NXPH1: variants seen among roughly 807,000 people sequenced by gnomAD.
The protein encoded by NXPH1 is neurexophilin 1.
A neutral mutation model predicts 23.7 loss-of-function variants in NXPH1; 5 were observed. The observed-to-expected ratio is 0.21, with a 90% CI of 0.11 to 0.44. NXPH1 has a LOEUF of 0.44. NXPH1 is among the 20% of genes least tolerant of loss of function. The probability of loss-of-function intolerance (pLI) is 0.99; values close to 1 mark genes in which losing one functional copy is unlikely to be tolerated. For synonymous variants in NXPH1, 144 were observed against 122.2 expected (o/e 1.18, Z -1.18); for missense variants, 324 against 321.6 (o/e 1.01, Z -0.06).
rs530687598 is a variant in NXPH1, at chr7:8,482,885, CT to C, written c.54+47120del. On this transcript the variant is annotated intron_variant, in intron 2 of 2. Transcript: ENST00000405863. Reference sequence around the variant, plus strand: ...AAGAATTGTCACTCTAGCTCTATCACTTACCAGTTAACTACAGCTACATTTG... The same window carrying C: ...AAGAATTGTCACTCTAGCTCTATCACTACCAGTTAACTACAGCTACATTTG... Among the ~76,000 whole-genome samples the C allele has an allele frequency of 4.5e-4, 68 of 152,296 alleles. 1 individual carries two copies. Among genetic ancestry groups the C allele is most frequent in the Middle Eastern group, 3.4e-3 (1 of 294 alleles).
At chr7:8,443,956 C>G (rs1008386167) in intron 2 of NXPH1, among the ~76,000 whole-genome samples, 2 of 152,228 alleles carry the variant, frequency 1.3e-5, no homozygotes, top group Non-Finnish European at 2.9e-5. Context: ...GCACACTCCC[C>G]TGGGGGCTGT....
intron 2 of NXPH1, among the ~76,000 whole-genome samples, chr7:8,487,272 A>T (rs552499386): frequency 6.6e-6 from 1 of 152,140 alleles, no homozygotes; most frequent in Non-Finnish European, 1.5e-5. Context: ...CCCTGGTGGG[A>T]GGTAACTAAA....
intron 2 of NXPH1, among the ~76,000 whole-genome samples, chr7:8,609,996 A>G (rs577818438): frequency 2.6e-5 from 4 of 152,164 alleles, no homozygotes; most frequent in Non-Finnish European, 5.9e-5. Context: ...GCTTTTGGAC[A>G]TGGTAAGAGT....
chr7:8,679,415 G>C (rs572986144), intron 2 of NXPH1, among the ~76,000 whole-genome samples: 1 of 152,046 alleles, frequency 6.6e-6, no homozygotes, highest in South Asian at 2.1e-4. Context: ...ACTGTATCCC[G>C]TTTATCTGTG....
chr7:8,707,163 T>C lies in NXPH1; in HGVS notation c.55-43845T>C, dbSNP rs911928635. On this transcript the variant is annotated intron_variant, in intron 2 of 2. Coordinates refer to ENST00000405863, the MANE Select transcript of NXPH1 (RefSeq NM_152745.3). The stretch of plus-strand genomic sequence containing the variant: ...TGACTTCCATCTTTAATTTGCTCTC[T>C]AGCACTTCACACTCACTCCACCCAA... Among the ~76,000 whole-genome samples the C allele has an allele frequency of 3.6e-4, 55 of 152,338 alleles. 1 individual carries two copies. The highest frequency in any genetic ancestry group is 1.3e-3 in the African/African-American group (54 of 41,586).
At chr7:8,588,668 A>T (rs576656329) in intron 2 of NXPH1, among the ~76,000 whole-genome samples, 1 of 152,064 alleles carries the variant, frequency 6.6e-6, no homozygotes, top group African/African-American at 2.4e-5. Context: ...TAGGTGCCCA[A>T]TGGATTTTGA....
At chr7:8,636,716 C>T (rs906092034) in intron 2 of NXPH1, among the ~76,000 whole-genome samples, 1 of 152,206 alleles carries the variant, frequency 6.6e-6, no homozygotes, top group Non-Finnish European at 1.5e-5. Flanking sequence ...ATACGTTACA[C>T]ACGTATTCCA....
At chr7:8,587,806 G>C (rs1458658829) in intron 2 of NXPH1, among the ~76,000 whole-genome samples, 1 of 152,142 alleles carries the variant, frequency 6.6e-6, no homozygotes, top group Non-Finnish European at 1.5e-5. Context: ...CCCTGCAAAG[G>C]ACATGAACTC....
At chr7:8,508,529 TG>T (rs1276161072) in intron 2 of NXPH1, among the ~76,000 whole-genome samples, 1 of 152,130 alleles carries the variant, frequency 6.6e-6, no homozygotes, top group Non-Finnish European at 1.5e-5. Context: ...TAGCTCAGCC[TG>T]GGGAGATAGT....
At chr7:8,602,239 T>G (rs1056958133) in intron 2 of NXPH1, among the ~76,000 whole-genome samples, 5 of 152,234 alleles carry the variant, frequency 3.3e-5, no homozygotes, top group African/African-American at 1.2e-4. Context: ...AAAATAGTTT[T>G]GTAAGTGATC....
chr7:8,730,691 A>G (rs1423648067), intron 2 of NXPH1, among the ~76,000 whole-genome samples: 1 of 151,976 alleles, frequency 6.6e-6, no homozygotes, highest in Non-Finnish European at 1.5e-5. Context: ...TGGCTTGCGG[A>G]GTTTCTGCCG....
At chr7:8,716,694 C>T (rs546612590) in intron 2 of NXPH1, among the ~76,000 whole-genome samples, 1 of 152,058 alleles carries the variant, frequency 6.6e-6, no homozygotes, top group Non-Finnish European at 1.5e-5. Flanking sequence ...GTCTGTGTTT[C>T]TAGGCTGATG....
intron 2 of NXPH1, among the ~76,000 whole-genome samples, chr7:8,473,324 C>G (rs1816905184): frequency 1.3e-5 from 2 of 152,148 alleles, no homozygotes; most frequent in African/African-American, 2.4e-5. Flanking sequence ...TACACCCAGG[C>G]TATGTTATCC....
chr7:8,672,362 C>G (rs1317950362), intron 2 of NXPH1, among the ~76,000 whole-genome samples: 1 of 151,914 alleles, frequency 6.6e-6, no homozygotes, highest in East Asian at 1.9e-4. Flanking sequence ...GGAGATATAC[C>G]TAATGCTAAA....
intron 2 of NXPH1, among the ~76,000 whole-genome samples, chr7:8,545,249 A>C (rs1818181776): frequency 6.6e-6 from 1 of 151,568 alleles, no homozygotes; most frequent in South Asian, 2.1e-4. Flanking sequence ...CTTTGTCACT[A>C]GGACAATTTC....
At chr7:8,478,054 T>C (rs534631060) in intron 2 of NXPH1, among the ~76,000 whole-genome samples, 3 of 152,204 alleles carry the variant, frequency 2.0e-5, no homozygotes, top group Admixed American at 2.0e-4. Context: ...GCTGAATGAA[T>C]AAAAAGATGA....
At chr7:8,630,034 C>G (rs115423113) in intron 2 of NXPH1, among the ~76,000 whole-genome samples, 2 of 152,028 alleles carry the variant, frequency 1.3e-5, no homozygotes, top group African/African-American at 2.4e-5. Context: ...TTTACTCCCC[C>G]ACATTTCACC....
chr7:8,573,814 T>A (rs1262287655), intron 2 of NXPH1, among the ~76,000 whole-genome samples: 1 of 152,146 alleles, frequency 6.6e-6, no homozygotes, highest in Non-Finnish European at 1.5e-5. Context: ...TGTCTGGAAA[T>A]AAACTATGCC....
At chr7:8,564,747 T>C (rs976465138) in intron 2 of NXPH1, among the ~76,000 whole-genome samples, 1 of 151,830 alleles carries the variant, frequency 6.6e-6, no homozygotes, top group African/African-American at 2.4e-5. Flanking sequence ...CATTTCTTTC[T>C]TAATCTCATT....
Sources: allele counts gnomAD v4.1 joint callset (sites outside exome capture counted in the v4.1 genomes callset), GRCh38; gene constraint gnomAD v4.1.1; transcripts MANE v1.5; gene names NCBI Gene and HGNC (gene_info 2026-07-23, HGNC 2026-07-21).